The following SLC24A4 variants were observed in gnomAD, a reference collection of about 807,000 sequenced individuals.
The protein encoded by SLC24A4 is sodium/potassium/calcium exchanger 4.
A neutral mutation model predicts 79.0 loss-of-function variants in SLC24A4; 53 were observed. The ratio of observed to expected loss-of-function variants is 0.67; its 90% CI spans 0.54 to 0.84. SLC24A4 has a LOEUF of 0.84. SLC24A4 is among the 40% of genes least tolerant of loss of function. The pLI is 0.00. For missense variants in SLC24A4, 731 were observed against 822.0 expected (o/e 0.89, Z 1.35); for synonymous variants, 323 against 323.8 (o/e 1.00, Z 0.03).
intron 2 of SLC24A4, among the ~76,000 whole-genome samples, chr14:92,358,905 T>C (rs1301881752): frequency 6.6e-6 from 1 of 151,842 alleles, no homozygotes; most frequent in Non-Finnish European, 1.5e-5. Flanking sequence ...AGGCTGGTCT[T>C]GAACTCCTGA....
chr14:92,327,263 T>C (rs1053467146), intron 2 of SLC24A4, among the ~76,000 whole-genome samples: 2 of 152,136 alleles, frequency 1.3e-5, no homozygotes, highest in African/African-American at 4.8e-5. Flanking sequence ...GACGTGGTGG[T>C]GGACAAGCTC....
chr14:92,330,816 T>C (rs925191454), intron 2 of SLC24A4, among the ~76,000 whole-genome samples: 12 of 152,178 alleles, frequency 7.9e-5, no homozygotes, highest in African/African-American at 2.9e-4. Flanking sequence ...CATGCACTTG[T>C]CTAACCTTAA....
At chr14:92,439,604 C>T (rs1378081708) in intron 4 of SLC24A4, among the ~76,000 whole-genome samples, 195 bp downstream of exon 4, 2 of 152,250 alleles carry the variant, frequency 1.3e-5, no homozygotes, top group African/African-American at 4.8e-5. Flanking sequence ...GGCAGCCTCT[C>T]CCAGAACTTG....
At chr14:92,430,122 C>A (rs376354667) in intron 2 of SLC24A4, among the ~76,000 whole-genome samples, 1 of 152,186 alleles carries the variant, frequency 6.6e-6, no homozygotes, top group Non-Finnish European at 1.5e-5. Flanking sequence ...CAGGGGATTT[C>A]CCACCTCAAT....
chr14:92,477,319 G>T (rs1010685607), intron 12 of SLC24A4, among the ~76,000 whole-genome samples: 1 of 152,152 alleles, frequency 6.6e-6, no homozygotes, highest in Middle Eastern at 3.4e-3. Context: ...AAGAAAATTG[G>T]GTTTTTAAAA....
At chr14:92,399,086 G>A (rs1461699416) in intron 2 of SLC24A4, among the ~76,000 whole-genome samples, 2 of 152,176 alleles carry the variant, frequency 1.3e-5, no homozygotes, top group African/African-American at 4.8e-5. Context: ...GCACTCTCAA[G>A]CAGTACCTGG....
chr14:92,423,891 A>G (rs1393073130), intron 2 of SLC24A4, among the ~76,000 whole-genome samples: 2 of 152,200 alleles, frequency 1.3e-5, no homozygotes, highest in African/African-American at 4.8e-5. Context: ...ACACTGGGTG[A>G]CCTAAAACAA....
At chr14:92,373,161 A>G (rs969804085) in intron 2 of SLC24A4, among the ~76,000 whole-genome samples, 2 of 142,568 alleles carry the variant, frequency 1.4e-5, no homozygotes, top group Non-Finnish European at 3.1e-5. Context: ...CACCATGCCC[A>G]GCTAATTTAT....
intron 13 of SLC24A4, among the ~76,000 whole-genome samples, 168 bp downstream of exon 13, chr14:92,483,014 CTG>C (rs3032681): frequency 0.91 from 138,200 of 152,004 alleles, 63,808 homozygotes; most frequent in Non-Finnish European, 0.99. Context: ...GTGCATGACT[CTG>C]TGTCAGGTAC....
intron 9 of SLC24A4, 64 bp from the exon 10 acceptor site, chr14:92,449,010 C>T (rs1259675296): frequency 6.3e-7 from 1 of 1,592,018 alleles, no homozygotes; most frequent in African/African-American, 1.3e-5. Flanking sequence ...GTGTGATCCA[C>T]CCGCTGCCCA....
At chr14:92,440,784 G>A (rs182140419) in intron 4 of SLC24A4, among the ~76,000 whole-genome samples, 3 of 151,884 alleles carry the variant, frequency 2.0e-5, no homozygotes, top group East Asian at 1.9e-4. Flanking sequence ...GGAGAAATCT[G>A]GGAAGGCTTC....
chr14:92,482,570 T>C (rs1895118598), intron 12 of SLC24A4, 110 bp from the exon 13 acceptor site: 1 of 1,052,026 alleles, frequency 9.5e-7, no homozygotes, highest in Non-Finnish European at 1.4e-6. Context: ...GTCACATCGG[T>C]GGCATTCTCT....
chr14:92,358,841 C>T (rs553808880), intron 2 of SLC24A4, among the ~76,000 whole-genome samples: 6 of 151,968 alleles, frequency 3.9e-5, no homozygotes, highest in African/African-American at 9.6e-5. Flanking sequence ...CTCACCACCA[C>T]GTCATTTAAT....
At position 92,493,961 on chromosome 14, in the gene SLC24A4, G is replaced by A. The variant is rs79908238; in HGVS notation, c.*333G>A. On this transcript the variant is annotated 3_prime_UTR_variant, in exon 17 of 17. Transcript: ENST00000532405. ...TCAGAAGGACTTCTGCATGCAGTTT[G>A]TCTTTCTGTTCTGCAGGCAGCTTCA... 406 of 258,464 alleles carry A rather than the reference G, an allele frequency of 1.6e-3. 4 individuals carry two copies. The East Asian group carries it at 0.02, about 12-fold the overall frequency. 16.0% of individuals were successfully genotyped at this position (258,464 alleles called of 1,614,324 possible).
At chr14:92,440,109 G>A (rs1206319849) in intron 4 of SLC24A4, among the ~76,000 whole-genome samples, 1 of 152,224 alleles carries the variant, frequency 6.6e-6, no homozygotes, top group Non-Finnish European at 1.5e-5. Context: ...AGGGTGGGTT[G>A]TTCAGGGCAG....
chr14:92,357,187 G>T (rs946616026), intron 2 of SLC24A4, among the ~76,000 whole-genome samples: 4 of 152,192 alleles, frequency 2.6e-5, no homozygotes, highest in Non-Finnish European at 5.9e-5. Flanking sequence ...TAGGATTAGG[G>T]TCATCTGTGG....
chr14:92,335,120 C>T (rs969541796), intron 2 of SLC24A4, among the ~76,000 whole-genome samples: 3 of 152,098 alleles, frequency 2.0e-5, no homozygotes, highest in African/African-American at 7.2e-5. Flanking sequence ...TTTAATTAAT[C>T]GCTTTATTTT....
chr14:92,488,178 T>G (rs1895484700), intron 14 of SLC24A4, among the ~76,000 whole-genome samples: 1 of 151,914 alleles, frequency 6.6e-6, no homozygotes. Context: ...TTCAAGCGGT[T>G]CTCCTGCCTC....
At chr14:92,340,735 C>T (rs1426771389) in intron 2 of SLC24A4, among the ~76,000 whole-genome samples, 4 of 152,076 alleles carry the variant, frequency 2.6e-5, no homozygotes, top group South Asian at 2.1e-4. Flanking sequence ...GAAGCACAAC[C>T]GAGAGGGGGC....
Sources: gnomAD v4.1 joint callset for allele counts (sites outside exome capture counted in the v4.1 genomes callset) on GRCh38, gnomAD v4.1.1 for gene constraint, MANE v1.5 for transcripts, NCBI Gene and HGNC (gene_info 2026-07-23, HGNC 2026-07-21) for gene names.